CSMD1: variants seen among roughly 807,000 people sequenced by gnomAD.
CSMD1 encodes the protein CUB and sushi domain-containing protein 1.
A neutral mutation model predicts 417.5 loss-of-function variants in CSMD1; 213 were observed. The observed-to-expected ratio is 0.51, with a 90% CI of 0.46 to 0.57. The LOEUF is 0.57. CSMD1 is among the 20% of genes least tolerant of loss of function. CSMD1 has a pLI of 0.00. For missense variants in CSMD1, 6,923 were observed against 4,529.7 expected, an observed-to-expected ratio of 1.53 and a Z score of -15.17; for synonymous variants, 2,862 against 1,736.8, an observed-to-expected ratio of 1.65 and a Z score of -16.11.
At chr8:2,953,490 G>C (rs1180216233) in intron 65 of CSMD1, among the ~76,000 whole-genome samples, 1 of 145,476 alleles carries the variant, frequency 6.9e-6, no homozygotes, top group East Asian at 2.0e-4. Flanking sequence ...CCTGAATAAA[G>C]AAAGTACTAG....
intron 1 of CSMD1, among the ~76,000 whole-genome samples, chr8:4,944,985 G>A (rs138703576): frequency 7.9e-5 from 12 of 152,284 alleles, no homozygotes; most frequent in Non-Finnish European, 1.2e-4. Context: ...CAAAACAGAC[G>A]AGAGGTGGAA....
intron 3 of CSMD1, among the ~76,000 whole-genome samples, chr8:4,400,717 C>G (rs528473825): frequency 6.8e-6 from 1 of 147,020 alleles, no homozygotes; most frequent in Non-Finnish European, 1.5e-5. Flanking sequence ...TTAATGGACA[C>G]TTTGTTTCTA....
At chr8:4,403,770 C>A (rs894547651) in intron 3 of CSMD1, among the ~76,000 whole-genome samples, 5 of 152,144 alleles carry the variant, frequency 3.3e-5, no homozygotes, top group Admixed American at 3.3e-4. Context: ...ACTTACGTTT[C>A]CATCTTGATC....
At chr8:4,059,014 T>A (rs1798837279) in intron 3 of CSMD1, among the ~76,000 whole-genome samples, 1 of 152,018 alleles carries the variant, frequency 6.6e-6, no homozygotes, top group Non-Finnish European at 1.5e-5. Flanking sequence ...ACACCACACC[T>A]ATTCCAAAAT....
At chr8:3,655,590 C>T (rs565415219) in intron 7 of CSMD1, among the ~76,000 whole-genome samples, 9 of 151,934 alleles carry the variant, frequency 5.9e-5, no homozygotes, top group Non-Finnish European at 1.2e-4. Flanking sequence ...GATGAATGCC[C>T]GTCCCACCAG....
chr8:3,822,835 C>A (rs1416376926), intron 5 of CSMD1, among the ~76,000 whole-genome samples: 1 of 151,872 alleles, frequency 6.6e-6, no homozygotes, highest in East Asian at 1.9e-4. Context: ...TTAGTAGGCA[C>A]ATAAAATGAG....
intron 2 of CSMD1, among the ~76,000 whole-genome samples, chr8:4,544,107 G>C (rs186658332): frequency 1.3e-5 from 2 of 151,956 alleles, no homozygotes; most frequent in African/African-American, 2.4e-5. Flanking sequence ...GTCTTTCTTA[G>C]GGTTCTTAAT....
chr8:3,750,867 T>A (rs554976841), intron 6 of CSMD1, among the ~76,000 whole-genome samples: 1 of 152,306 alleles, frequency 6.6e-6, no homozygotes, highest in East Asian at 1.9e-4. Context: ...GGAGCTTCCA[T>A]TCCTTGGTAA....
intron 3 of CSMD1, among the ~76,000 whole-genome samples, chr8:4,113,973 G>T (rs1451131334): frequency 1.3e-5 from 2 of 152,194 alleles, no homozygotes; most frequent in South Asian, 4.1e-4. Context: ...AAAAGTTCCA[G>T]GTGAAGCAGC....
intron 5 of CSMD1, among the ~76,000 whole-genome samples, chr8:3,794,258 C>T (rs936463335): frequency 6.6e-6 from 1 of 152,150 alleles, no homozygotes; most frequent in Non-Finnish European, 1.5e-5. Context: ...ATGTTGATGG[C>T]CTGCAGCTAC....
chr8:3,186,748 A>T (rs556037694), intron 36 of CSMD1, among the ~76,000 whole-genome samples: 1 of 152,222 alleles, frequency 6.6e-6, no homozygotes, highest in African/African-American at 2.4e-5. Flanking sequence ...GACAAATGGG[A>T]TAGAAGGAGT....
At chr8:3,107,876 C>A in intron 44 of CSMD1, 78 bp from the exon 45 acceptor site, 2 of 921,422 alleles carry the variant, frequency 2.2e-6, no homozygotes, top group South Asian at 3.0e-5. Context: ...AAACATTCAT[C>A]TTGCAGTTGT....
chr8:4,270,135 G>C (rs984932757), intron 3 of CSMD1, among the ~76,000 whole-genome samples: 3 of 152,192 alleles, frequency 2.0e-5, no homozygotes, highest in Admixed American at 6.5e-5. Flanking sequence ...TTGTGATAGG[G>C]AGGCTGGAAT....
intron 3 of CSMD1, among the ~76,000 whole-genome samples, chr8:4,044,401 C>A (rs899445058): frequency 6.6e-6 from 1 of 152,138 alleles, no homozygotes; most frequent in Non-Finnish European, 1.5e-5. Context: ...CAATCTCAGT[C>A]TACTTTGTGT....
intron 2 of CSMD1, among the ~76,000 whole-genome samples, chr8:4,475,200 T>C (rs140425085): frequency 1.2e-3 from 186 of 152,342 alleles, no homozygotes; most frequent in African/African-American, 4.2e-3. Flanking sequence ...TGTGAATATA[T>C]ATCTTAAAAG....
chr8:4,689,769 T>C (rs892833038), intron 1 of CSMD1, among the ~76,000 whole-genome samples: 2 of 152,176 alleles, frequency 1.3e-5, no homozygotes, highest in Non-Finnish European at 2.9e-5. Context: ...TCTATTAAAA[T>C]GATGGTGGTT....
chr8:3,474,633 A>T (rs1563073391), intron 11 of CSMD1, among the ~76,000 whole-genome samples: 1 of 152,016 alleles, frequency 6.6e-6, no homozygotes, highest in African/African-American at 2.4e-5. Flanking sequence ...TAGGAACTTA[A>T]CTCTTGTTTA....
chr8:4,106,076 C>A (rs2130894286), intron 3 of CSMD1, among the ~76,000 whole-genome samples: 1 of 152,308 alleles, frequency 6.6e-6, no homozygotes, highest in African/African-American at 2.4e-5. Flanking sequence ...GGAGAAAGAG[C>A]TATGTAGAGT....
intron 10 of CSMD1, among the ~76,000 whole-genome samples, chr8:3,529,659 C>G (rs1797896066): frequency 1.3e-5 from 2 of 152,198 alleles, no homozygotes; most frequent in Non-Finnish European, 2.9e-5. Flanking sequence ...GGAAGAGTAT[C>G]AGCTTCTCAG....
Sources: allele counts gnomAD v4.1 joint callset (sites outside exome capture counted in the v4.1 genomes callset), GRCh38; gene constraint gnomAD v4.1.1; transcripts MANE v1.5; gene names NCBI Gene and HGNC (gene_info 2026-07-23, HGNC 2026-07-21).